RNF24: variants seen among roughly 807,000 people sequenced by gnomAD.
The protein encoded by RNF24 is ring finger protein 24.
Under a neutral mutation model 20.0 loss-of-function variants are expected in RNF24, and 14 were observed. That is an observed-to-expected ratio of 0.70 (90% confidence interval 0.46 to 1.10). The LOEUF (loss-of-function observed/expected upper bound fraction) is 1.10, where lower values mean the gene tolerates loss of function less well. Among genes scored for constraint, RNF24 ranks in the 50% least tolerant of loss-of-function variants. The probability of loss-of-function intolerance (pLI) is 0.00; values close to 1 mark genes in which losing one functional copy is unlikely to be tolerated. For synonymous variants in RNF24, 45 were observed against 61.1 expected (o/e 0.74, Z 1.23); for missense variants, 124 against 177.6 (o/e 0.70, Z 1.71).
At chr20:3,991,284 C>A (rs1243182523) in intron 1 of RNF24, among the ~76,000 whole-genome samples, 5 of 137,140 alleles carry the variant, frequency 3.6e-5, no homozygotes, top group African/African-American at 1.4e-4. Flanking sequence ...TGGAGTCTCG[C>A]TCTGCCGCCC....
intron 2 of RNF24, among the ~76,000 whole-genome samples, chr20:3,958,047 C>T (rs1290840045): frequency 6.6e-6 from 1 of 152,138 alleles, no homozygotes; most frequent in Non-Finnish European, 1.5e-5. Context: ...TAATTTTCAA[C>T]TGTCAATTTT....
intron 1 of RNF24, among the ~76,000 whole-genome samples, chr20:3,995,198 C>A (rs909051285): frequency 6.6e-6 from 1 of 152,126 alleles, no homozygotes; most frequent in Non-Finnish European, 1.5e-5. Context: ...CCCACATCCA[C>A]CTCTGGGGTG....
At chr20:3,980,076 C>A (rs1037007362) in intron 1 of RNF24, among the ~76,000 whole-genome samples, 9 of 152,100 alleles carry the variant, frequency 5.9e-5, no homozygotes, top group African/African-American at 2.2e-4. Flanking sequence ...AATTCTTATG[C>A]AGAGATTTAA....
chr20:3,954,933 C>T (rs1485477228), intron 2 of RNF24, among the ~76,000 whole-genome samples: 1 of 151,980 alleles, frequency 6.6e-6, no homozygotes, highest in Admixed American at 6.6e-5. Flanking sequence ...TGAAGATCCA[C>T]CAAACTCTTT....
At chr20:3,975,408 C>A (rs1205197300) in intron 1 of RNF24, among the ~76,000 whole-genome samples, 1 of 152,040 alleles carries the variant, frequency 6.6e-6, no homozygotes, top group African/African-American at 2.4e-5. Flanking sequence ...ATACACTGGA[C>A]TTCATTGAAA....
At chr20:4,002,833 T>A (rs1981524211) in intron 1 of RNF24, among the ~76,000 whole-genome samples, 1 of 152,228 alleles carries the variant, frequency 6.6e-6, no homozygotes. Flanking sequence ...TTTACTCCCC[T>A]TAGAACTGTG....
chr20:3,985,366 G>A (rs1445311289), intron 1 of RNF24, among the ~76,000 whole-genome samples: 1 of 152,250 alleles, frequency 6.6e-6, no homozygotes, highest in South Asian at 2.1e-4. Flanking sequence ...TGGGCTTATA[G>A]ATGTGTGGCA....
chr20:3,978,248 G>A (rs1484340821), intron 1 of RNF24, among the ~76,000 whole-genome samples: 1 of 151,916 alleles, frequency 6.6e-6, no homozygotes, highest in African/African-American at 2.4e-5. Flanking sequence ...CTGTTGGCCA[G>A]GCCGGTCTTG....
chr20:4,003,758 T>C (rs1981617888), intron 1 of RNF24, among the ~76,000 whole-genome samples: 1 of 146,532 alleles, frequency 6.8e-6, no homozygotes, highest in South Asian at 2.3e-4. Context: ...TTCTCCTGAC[T>C]CAGCCTCCCA....
intron 1 of RNF24, among the ~76,000 whole-genome samples, chr20:3,999,606 T>C (rs1387109904): frequency 6.6e-6 from 1 of 152,076 alleles, no homozygotes; most frequent in Non-Finnish European, 1.5e-5. Context: ...AATACAAAAT[T>C]AGCTGGGCGT....
chr20:3,952,433 G>C (rs1374973277), intron 2 of RNF24, among the ~76,000 whole-genome samples: 1 of 152,034 alleles, frequency 6.6e-6, no homozygotes, highest in African/African-American at 2.4e-5. Context: ...CTGGTGGCTT[G>C]CTAATTCTAA....
intron 2 of RNF24, among the ~76,000 whole-genome samples, chr20:3,963,383 G>T (rs1051605815): frequency 6.6e-6 from 1 of 151,800 alleles, no homozygotes; most frequent in Non-Finnish European, 1.5e-5. Context: ...GGTAGAGACG[G>T]AGTTCCACCA....
rs566643183 is a variant in RNF24, at chr20:3,933,031, T to C, written c.*1032A>G. 3 of 397,962 alleles carry C rather than the reference T, an allele frequency of 7.5e-6. No homozygotes were observed. The highest frequency in any genetic ancestry group is 4.1e-5 in the African/African-American group (2 of 48,534). The allele number at this position is 397,962 out of a possible 1,614,324, so 24.7% of individuals were successfully genotyped here. On this transcript the variant is annotated 3_prime_UTR_variant, in exon 6 of 6. Coordinates refer to ENST00000358395, the MANE Select transcript of RNF24 (RefSeq NM_001134337.3). ...CTTCAGAATTACACAGGGATCTTAT[T>C]TGGGATAAAGTGTTAAAAAGTGAAT...
chr20:3,983,714 G>A (rs574916669), intron 1 of RNF24, among the ~76,000 whole-genome samples: 1 of 152,122 alleles, frequency 6.6e-6, no homozygotes, highest in East Asian at 1.9e-4. Flanking sequence ...GCCGAGGCGG[G>A]CAGATCACCT....
At chr20:3,940,975 C>T (rs1223424656) in intron 4 of RNF24, among the ~76,000 whole-genome samples, 1 of 152,150 alleles carries the variant, frequency 6.6e-6, no homozygotes, top group Non-Finnish European at 1.5e-5. Context: ...GAATGCATAG[C>T]AACAGAAATG....
At chr20:4,009,376 G>A (rs1267186204) in intron 1 of RNF24, among the ~76,000 whole-genome samples, 3 of 152,178 alleles carry the variant, frequency 2.0e-5, no homozygotes, top group Admixed American at 1.3e-4. Flanking sequence ...GCCCCCTGGA[G>A]AGTTGCTGAT....
intron 1 of RNF24, among the ~76,000 whole-genome samples, chr20:3,983,753 C>T (rs1371553260): frequency 6.6e-6 from 1 of 151,854 alleles, no homozygotes; most frequent in Non-Finnish European, 1.5e-5. Flanking sequence ...CCAGCCTAGC[C>T]AACATGGTGA....
rs1013397295 is a variant in RNF24, at chr20:3,932,968, C to G, written c.*1095G>C. 5.0e-6 allele frequency: 2 copies of G among 398,080 alleles called. No individual in the cohort carries two copies. Among genetic ancestry groups the G allele is most frequent in the Admixed American group, 8.8e-5 (2 of 22,672 alleles). 24.7% of individuals were successfully genotyped at this position (398,080 alleles called of 1,614,324 possible). ...CCAACGGTGGACAGCCCTGCAGGAG[C>G]TTCCTGAAACTATCTACAATTCCAA... On this transcript the variant is annotated 3_prime_UTR_variant, in exon 6 of 6. Transcript: ENST00000358395.
intron 1 of RNF24, among the ~76,000 whole-genome samples, chr20:4,010,245 C>T (rs1434278059): frequency 5.3e-5 from 8 of 151,908 alleles, no homozygotes; most frequent in East Asian, 1.9e-4. Context: ...TGGTGGCGCA[C>T]GCCTGTAGTC....
Sources: gnomAD v4.1 joint callset for allele counts (sites outside exome capture counted in the v4.1 genomes callset) on GRCh38, gnomAD v4.1.1 for gene constraint, MANE v1.5 for transcripts, NCBI Gene and HGNC (gene_info 2026-07-23, HGNC 2026-07-21) for gene names.